LDLRAD4: variants seen among roughly 807,000 people sequenced by gnomAD.
LDLRAD4 encodes low-density lipoprotein receptor class A domain-containing protein 4.
In LDLRAD4, 5 loss-of-function variants were observed where a neutral mutation model predicts 17.0. The ratio of observed to expected loss-of-function variants is 0.29; its 90% CI spans 0.15 to 0.62. The LOEUF is 0.62. Ranked by LOEUF, LDLRAD4 falls within the 20% of genes least tolerant of loss-of-function variation. LDLRAD4 has a pLI of 0.84. For missense variants in LDLRAD4, 340 were observed against 424.7 expected, an observed-to-expected ratio of 0.80 and a Z score of 1.75; for synonymous variants, 168 against 171.8, an observed-to-expected ratio of 0.98 and a Z score of 0.17.
At chr18:13,629,871 C>T (rs1379837069) in intron 4 of LDLRAD4, among the ~76,000 whole-genome samples, 1 of 137,632 alleles carries the variant, frequency 7.3e-6, no homozygotes, top group Non-Finnish European at 1.5e-5. Context: ...GGGTCTGGCT[C>T]TTGGCAAAGC....
chr18:13,612,360 C>A (rs1376059773), intron 3 of LDLRAD4: 1 of 1,146,838 alleles, frequency 8.7e-7, no homozygotes, highest in African/African-American at 1.6e-5. Flanking sequence ...GGATCGGAGA[C>A]CCCGGACTTA....
At chr18:13,360,960 C>T (rs562750215) in intron 1 of LDLRAD4, among the ~76,000 whole-genome samples, 1 of 152,366 alleles carries the variant, frequency 6.6e-6, no homozygotes, top group East Asian at 1.9e-4. Context: ...AACTCCACCA[C>T]ACTTTGCATT....
rs80151914 is a variant in LDLRAD4 at position 13,225,487 on chromosome 18, G to A, written c.-467+6499G>A. Among the ~76,000 whole-genome samples the A allele has an allele frequency of 9.0e-3, 1,364 of 152,308 alleles. 29 individuals are homozygous for A. Among genetic ancestry groups the A allele is most frequent in the African/African-American group, 0.031 (1,305 of 41,550 alleles). ...CCCGGCATGGGGCTGATTAAGTTAC[G>A]GTTGAGGAGGTGAAGACCTCTAGAG... is the stretch of plus-strand genomic sequence containing the variant. On this transcript the variant is annotated intron_variant, in intron 1 of 5. Coordinates refer to the LDLRAD4 transcript ENST00000399848.
In LDLRAD4 at chr18:13,539,446, A is replaced by G. The variant is rs78074169; in HGVS notation, c.182-81671A>G. ...AAAAAGCTAGTATTTCTCTTTTGCC[A>G]ATAGGAAAAACAGATGCAAGCTCTT... On this transcript the variant is annotated intron_variant, in intron 3 of 5. Coordinates refer to ENST00000359446, the Ensembl canonical transcript of LDLRAD4. 3.9e-3 allele frequency among the ~76,000 whole-genome samples: 595 copies of G among 152,366 alleles called. 4 individuals carry two copies. The highest frequency in any genetic ancestry group is 0.014 in the African/African-American group (570 of 41,574).
At chr18:13,312,599 TG>T (rs1050641655) in intron 1 of LDLRAD4, among the ~76,000 whole-genome samples, 21 of 152,016 alleles carry the variant, frequency 1.4e-4, no homozygotes, top group African/African-American at 5.1e-4. Flanking sequence ...GAAATTAGCC[TG>T]GTATGATGAC....
At chr18:13,301,438 G>C (rs1418792814) in intron 1 of LDLRAD4, among the ~76,000 whole-genome samples, 1 of 152,004 alleles carries the variant, frequency 6.6e-6, no homozygotes, top group African/African-American at 2.4e-5. Flanking sequence ...TTGGGGCGAG[G>C]GGGGTGGGGA....
At chr18:13,529,698 C>T (rs951568763) in intron 3 of LDLRAD4, among the ~76,000 whole-genome samples, 5 of 152,222 alleles carry the variant, frequency 3.3e-5, no homozygotes, top group Admixed American at 1.3e-4. Context: ...ACTTTTGGAT[C>T]AATAGCGATC....
rs375437108 is a variant in LDLRAD4, at chr18:13,238,566, G to A, written c.-467+19578G>A. Among the ~76,000 whole-genome samples, 16 of 152,338 alleles carry A rather than the reference G, an allele frequency of 1.1e-4. No homozygotes were observed. In the South Asian group the frequency reaches 1.9e-3, roughly 18 times the overall value. ...AGAGCAGGTGGGAGAACGTGCAGAT[G>A]TGGGACTCAGCACCCACAGAACTGA... is the stretch of plus-strand genomic sequence containing the variant. On this transcript the variant is annotated intron_variant, in intron 1 of 5. Transcript: ENST00000399848.
chr18:13,599,458 T>A (rs2095134219), intron 3 of LDLRAD4, among the ~76,000 whole-genome samples: 1 of 152,010 alleles, frequency 6.6e-6, no homozygotes, highest in Non-Finnish European at 1.5e-5. Flanking sequence ...CTGTGGAACT[T>A]CTCAGCTCAC....
intron 1 of LDLRAD4, among the ~76,000 whole-genome samples, chr18:13,382,913 G>A (rs1428653764): frequency 1.3e-5 from 2 of 152,254 alleles, no homozygotes; most frequent in East Asian, 1.9e-4. Flanking sequence ...ATGGGGCAGC[G>A]CTTGCTCTCT....
intron 3 of LDLRAD4, chr18:13,519,724 C>CA (rs1227496558): frequency 3.3e-5 from 5 of 152,188 alleles, no homozygotes; most frequent in Admixed American, 6.5e-5. Flanking sequence ...GAAGTCACAC[C>CA]ACTGCACTTC....
At chr18:13,572,908 G>A (rs751279628) in intron 3 of LDLRAD4, among the ~76,000 whole-genome samples, 8 of 152,186 alleles carry the variant, frequency 5.3e-5, no homozygotes, top group Non-Finnish European at 8.8e-5. Flanking sequence ...ACAGAGTGGC[G>A]CAGGCGAGAC....
chr18:13,473,774 C>G (rs995391999), intron 3 of LDLRAD4, among the ~76,000 whole-genome samples: 3 of 150,260 alleles, frequency 2.0e-5, no homozygotes, highest in Admixed American at 6.7e-5. Context: ...TTTTGAGAGA[C>G]GCAACCTCAG....
chr18:13,496,413 G>A (rs1436085673), intron 3 of LDLRAD4, among the ~76,000 whole-genome samples: 1 of 152,154 alleles, frequency 6.6e-6, no homozygotes, highest in Non-Finnish European at 1.5e-5. Context: ...GGTTTCTACA[G>A]GCAATAGCAC....
At chr18:13,495,780 G>C (rs1008686767) in intron 3 of LDLRAD4, among the ~76,000 whole-genome samples, 1 of 152,220 alleles carries the variant, frequency 6.6e-6, no homozygotes, top group Non-Finnish European at 1.5e-5. Context: ...CTGAGATGGC[G>C]ACTGAAACTC....
At chr18:13,572,031 C>T (rs1231677316) in intron 3 of LDLRAD4, among the ~76,000 whole-genome samples, 2 of 151,986 alleles carry the variant, frequency 1.3e-5, no homozygotes, top group Non-Finnish European at 2.9e-5. Context: ...ACAGTAAGTC[C>T]CCCCCTTAAC....
At chr18:13,632,308 C>A (rs1289282901) in intron 4 of LDLRAD4, among the ~76,000 whole-genome samples, 2 of 152,244 alleles carry the variant, frequency 1.3e-5, no homozygotes, top group Non-Finnish European at 2.9e-5. Flanking sequence ...GATCCCACAC[C>A]TGCCAAGGGC....
intron 3 of LDLRAD4, among the ~76,000 whole-genome samples, chr18:13,485,208 C>T (rs2093190855): frequency 1.3e-5 from 2 of 152,230 alleles, no homozygotes; most frequent in African/African-American, 2.4e-5. Context: ...CTGTGCTTTG[C>T]TCTCCAGGTG....
intron 2 of LDLRAD4, among the ~76,000 whole-genome samples, chr18:13,433,637 C>T (rs1166976485): frequency 2.0e-5 from 3 of 152,122 alleles, no homozygotes; most frequent in Admixed American, 6.5e-5. Context: ...GCATCCTGAC[C>T]GAGTTTAGGT....
Sources: gnomAD v4.1 joint callset for allele counts (sites outside exome capture counted in the v4.1 genomes callset) on GRCh38, gnomAD v4.1.1 for gene constraint, MANE v1.5 for transcripts, NCBI Gene and HGNC (gene_info 2026-07-23, HGNC 2026-07-21) for gene names.